The following GSDME variants were observed in gnomAD, a reference collection of about 807,000 sequenced individuals.
GSDME encodes gasdermin-E.
In GSDME, 44 loss-of-function variants were observed where a neutral mutation model predicts 47.5. That is an observed-to-expected ratio of 0.93 (90% CI 0.73 to 1.19). The LOEUF (loss-of-function observed/expected upper bound fraction) is 1.19. Ranked by LOEUF, GSDME falls within the 50% of genes most tolerant of loss-of-function variation. GSDME has a pLI of 0.00. For missense variants in GSDME, 663 were observed against 604.2 expected (o/e 1.10, Z -1.02); for synonymous variants, 258 against 252.8 (o/e 1.02, Z -0.20).
At chr7:24,774,023 T>C in the GSDME span, among the ~76,000 whole-genome samples, 1 of 152,194 alleles carries the variant, frequency 6.6e-6, no homozygotes, top group East Asian at 1.9e-4. Context: ...TTTACCCTGC[T>C]TCCTTTAGGA....
the GSDME span, among the ~76,000 whole-genome samples, chr7:24,764,348 G>A: frequency 2.6e-3 from 390 of 152,264 alleles, 2 homozygotes; most frequent in African/African-American, 9.0e-3. This position sits in a 1 kb window ranked among gnomAD's most constrained non-coding sequence, Gnocchi z 4.4. Context: ...GAAAGCTTTC[G>A]TTTCAAACTG....
At chr7:24,700,611 G>A (rs557674453) in intron 9 of GSDME, among the ~76,000 whole-genome samples, 6 of 152,310 alleles carry the variant, frequency 3.9e-5, no homozygotes, top group African/African-American at 1.4e-4. Context: ...TCACTGGAAT[G>A]TAAAAGTACT....
chr7:24,709,622 T>G (rs1304450300), intron 6 of GSDME, among the ~76,000 whole-genome samples: 1 of 152,012 alleles, frequency 6.6e-6, no homozygotes, highest in Non-Finnish European at 1.5e-5. Flanking sequence ...CTTGCCCATC[T>G]CCTCCTATAT....
chr7:24,763,686 C>A, the GSDME span, among the ~76,000 whole-genome samples: 1 of 152,166 alleles, frequency 6.6e-6, no homozygotes, highest in East Asian at 1.9e-4. The surrounding 1 kb of genome is among the most constrained non-coding windows in gnomAD (Gnocchi z 4.3). Context: ...AGTGAAACTG[C>A]AGATAAAGGG....
the GSDME span, among the ~76,000 whole-genome samples, chr7:24,787,486 A>AGTG: frequency 6.6e-6 from 1 of 152,194 alleles, no homozygotes; most frequent in Admixed American, 6.5e-5. The surrounding 1 kb of genome is among the most constrained non-coding windows in gnomAD (Gnocchi z 5.0). Context: ...ACTTGGTGGT[A>AGTG]GTGGTGGTGG....
intron 3 of GSDME, among the ~76,000 whole-genome samples, chr7:24,737,867 C>A (rs1790357864): frequency 1.3e-5 from 2 of 152,088 alleles, no homozygotes; most frequent in Admixed American, 1.3e-4. Context: ...ATTATATCAA[C>A]AAAATGAAGA....
rs1175616328 is a variant in GSDME at position 24,708,192 on chromosome 7, C to T, written c.925G>A (p.Ala309Thr). Reference protein sequence around the residue: ...FAELPEPQQTALSDIFQAVLF... With the variant: ...FAELPEPQQTTLSDIFQAVLF... ...ACCGCCTGGAAGATGTCACTCAAAGCTGTCTGTTGTGGCTCAGGCAGCTCC... is the reference window on the plus strand; with the variant it reads ...ACCGCCTGGAAGATGTCACTCAAAGTTGTCTGTTGTGGCTCAGGCAGCTCC... Residue 309 changes from alanine to threonine, a missense_variant, in exon 7 of 10, where the codon GCT (alanine) becomes ACT (threonine). By Grantham distance (58) the Ala-to-Thr change is moderately conservative. Transcript: ENST00000645220. 2 of 1,614,176 alleles carry T rather than the reference C, an allele frequency of 1.2e-6. No homozygotes were observed. The highest frequency in any genetic ancestry group is 1.1e-5 in the South Asian group (1 of 91,072).
the GSDME span, among the ~76,000 whole-genome samples, chr7:24,780,034 A>G: frequency 6.6e-6 from 1 of 152,262 alleles, no homozygotes. This position sits in a 1 kb window ranked among gnomAD's most constrained non-coding sequence, Gnocchi z 4.1. Context: ...CCCTGCTTCA[A>G]GCACAAGGCT....
At chr7:24,759,343 A>G (rs901283254), upstream of GSDME, among the ~76,000 whole-genome samples, 1 of 152,052 alleles carries the variant, frequency 6.6e-6, no homozygotes, top group Non-Finnish European at 1.5e-5. Context: ...TGTAATTCAG[A>G]GTGGGTGAAC....
chr7:24,719,349 T>C (rs1554326299), intron 3 of GSDME, 131 bp from the exon 4 acceptor site: 1 of 993,030 alleles, frequency 1.0e-6, no homozygotes, highest in African/African-American at 1.6e-5. Flanking sequence ...TTCCTCATGA[T>C]GAAAGGGGTG....
At position 24,705,902 on chromosome 7, in the gene GSDME, TG is replaced by T; in HGVS notation, c.1183+281del. On this transcript the variant is annotated intron_variant, in intron 8 of 9. Coordinates refer to ENST00000645220, the MANE Select transcript of GSDME (RefSeq NM_001127453.2). The surrounding 1 kb of genome is among the most constrained non-coding windows in gnomAD (Gnocchi z 4.1). ...AGCCTGTCAGGGAGATGCTTGCTTT[TG>T]TAGGCAAAGGGGCACCCACTGTGGC... The T allele has an allele frequency of 2.0e-6, 1 of 502,054 alleles. No homozygotes were observed. Among genetic ancestry groups the T allele is most frequent in the South Asian group, 2.1e-5 (1 of 48,698 alleles). 31.1% of individuals were successfully genotyped at this position (502,054 alleles called of 1,614,324 possible).
At chr7:24,718,454 G>GC (rs924860374) in intron 4 of GSDME, among the ~76,000 whole-genome samples, 14 of 152,298 alleles carry the variant, frequency 9.2e-5, no homozygotes, top group Admixed American at 8.5e-4. Flanking sequence ...GATCTTACCT[G>GC]CCCTAACTCA....
At chr7:24,700,252 G>C (rs1788810925) in intron 9 of GSDME, among the ~76,000 whole-genome samples, 1 of 152,138 alleles carries the variant, frequency 6.6e-6, no homozygotes, top group Non-Finnish European at 1.5e-5. Flanking sequence ...CACTCAATGT[G>C]TTCTTCACCG....
rs532658533 is a variant in GSDME, at chr7:24,714,909, C to T, written c.697+2345G>A. Reference sequence around the variant, plus strand: ...AGGTGCATGCCAAGATTTCAGAAAGCGTTACAGAAGTGACGCATCCTTCAC... The same window carrying T: ...AGGTGCATGCCAAGATTTCAGAAAGTGTTACAGAAGTGACGCATCCTTCAC... On this transcript the variant is annotated intron_variant, in intron 5 of 9. Coordinates refer to ENST00000645220, the MANE Select transcript of GSDME (RefSeq NM_001127453.2). The surrounding 1 kb of genome is among the most constrained non-coding windows in gnomAD (Gnocchi z 5.0). 7.9e-5 allele frequency among the ~76,000 whole-genome samples: 12 copies of T among 152,262 alleles called. No individual in the cohort carries two copies. Among genetic ancestry groups the T allele is most frequent in the African/African-American group, 1.9e-4 (8 of 41,540 alleles).
the GSDME span, among the ~76,000 whole-genome samples, chr7:24,776,938 C>T: frequency 6.6e-5 from 10 of 152,196 alleles, no homozygotes; most frequent in South Asian, 2.1e-4. Context: ...GGTGTGAACT[C>T]AGGAAATTTT....
chr7:24,746,350 G>T (rs1182788871), intron 2 of GSDME, among the ~76,000 whole-genome samples: 4 of 152,152 alleles, frequency 2.6e-5, no homozygotes, highest in African/African-American at 9.7e-5. Context: ...TTACTAACCG[G>T]GAGAATTTGG....
At chr7:24,747,060 A>G (rs1790690385) in intron 2 of GSDME, among the ~76,000 whole-genome samples, 1 of 152,226 alleles carries the variant, frequency 6.6e-6, no homozygotes, top group African/African-American at 2.4e-5. Context: ...GGCCTCACCA[A>G]TCCAGCACAA....
rs1471065554 is a variant in GSDME at position 24,744,809 on chromosome 7, T to C, written c.212-55A>G. ...CGATGATGATAAGGCCACCAAGATG[T>C]CTTGGGTCATTTAGCTTTCCAAGCC... On this transcript the variant is annotated intron_variant, in intron 2 of 9. Transcript: ENST00000645220. The surrounding 1 kb of genome is among the most constrained non-coding windows in gnomAD (Gnocchi z 4.5). 1 of 1,590,168 alleles carries C rather than the reference T, an allele frequency of 6.3e-7. No individual in the cohort carries two copies. Among genetic ancestry groups the C allele is most frequent in the Non-Finnish European group, 8.6e-7 (1 of 1,161,970 alleles).
intron 7 of GSDME, chr7:24,707,169 C>T: frequency 5.3e-6 from 2 of 376,782 alleles, no homozygotes; most frequent in Non-Finnish European, 1.1e-5. Flanking sequence ...AATCTAATTT[C>T]AAGAGAGAAA....
Sources: allele counts gnomAD v4.1 joint callset (sites outside exome capture counted in the v4.1 genomes callset), GRCh38; gene constraint gnomAD v4.1.1; non-coding constraint Gnocchi (gnomAD v3.1); transcripts MANE v1.5; gene names NCBI Gene and HGNC (gene_info 2026-07-23, HGNC 2026-07-21).